Variants in GFI1 observed in about 807,000 individuals in gnomAD.
GFI1 encodes the protein zinc finger protein Gfi-1.
GFI1 carries 15 observed loss-of-function variants against 39.2 expected under a neutral mutation model. The observed-to-expected ratio is 0.38, with a 90% CI of 0.26 to 0.59. The LOEUF is 0.59. Ranked by LOEUF, GFI1 falls within the 20% of genes least tolerant of loss-of-function variation. The probability of loss-of-function intolerance (pLI) is 0.62; values close to 1 mark genes in which losing one functional copy is unlikely to be tolerated. For missense variants in GFI1, 475 were observed against 574.0 expected (o/e 0.83, Z 1.76); for synonymous variants, 239 against 254.3 (o/e 0.94, Z 0.57).
chr1:92,486,075 G>A (rs907126960), intron 1 of GFI1: 2 of 152,116 alleles, frequency 1.3e-5, no homozygotes, highest in African/African-American at 2.4e-5. Flanking sequence ...TTGCTTTCGG[G>A]AGAGACCGCT....
chr1:92,477,743 T>C (rs563323383), intron 6 of GFI1, among the ~76,000 whole-genome samples: 2 of 152,350 alleles, frequency 1.3e-5, no homozygotes, highest in African/African-American at 4.8e-5. Flanking sequence ...AATGAAATGA[T>C]AGATTTGAAA....
In GFI1 at chr1:92,480,931, G is replaced by A; in HGVS notation, c.456C>T (p.Gly152=). ...CGALERGAGL[G]LFCEPAPEPG... ...GCTCCGGGGCGGGTTCGCAGAAGAG[G>A]CCCAGGCCAGCGCCACGCTCCAGGG... is the stretch of plus-strand genomic sequence containing the variant. Residue 152 remains glycine (G), a synonymous_variant, in exon 4 of 7, where the codon GGC becomes GGT. Coordinates refer to ENST00000294702, the MANE Select transcript of GFI1 (RefSeq NM_005263.5). This position sits in a 1 kb window ranked among gnomAD's most constrained non-coding sequence, Gnocchi z 5.6. 6.4e-7 allele frequency: 1 copy of A among 1,566,460 alleles called. No individual in the cohort carries two copies. The highest frequency in any genetic ancestry group is 1.8e-4 in the Middle Eastern group (1 of 5,552).
At position 92,473,327 on chromosome 1, in the gene GFI1, C is replaced by T. The variant is rs1033339135; in HGVS notation, c.*2702G>A. On this transcript the variant is annotated 3_prime_UTR_variant, in exon 7 of 7. Transcript: ENST00000294702. ...GGCACCTAGATTTCAATCAGTTCTA[C>T]TTACCCCTCAGTGCAACTTCTTTAC... is the stretch of plus-strand genomic sequence containing the variant. Among the ~76,000 whole-genome samples, 2 of 152,150 alleles carry T rather than the reference C, an allele frequency of 1.3e-5. No individual in the cohort carries two copies. Among genetic ancestry groups the T allele is most frequent in the Admixed American group, 1.3e-4 (2 of 15,274 alleles).
In GFI1 at chr1:92,482,439, C is replaced by T. The variant is rs1277411116; in HGVS notation, c.298+425G>A. Among the ~76,000 whole-genome samples, 1 of 152,196 alleles carries T rather than the reference C, an allele frequency of 6.6e-6. No homozygotes were observed. Among genetic ancestry groups the T allele is most frequent in the African/African-American group, 2.4e-5 (1 of 41,460 alleles). ...TTTTCGTCCTGCCCCCTCCCTGCCG[C>T]CCAGCGCCTAGCTCCTCTGCCTGGC... On this transcript the variant is annotated intron_variant, in intron 3 of 6. Coordinates refer to ENST00000294702, the MANE Select transcript of GFI1 (RefSeq NM_005263.5). This position sits in a 1 kb window ranked among gnomAD's most constrained non-coding sequence, Gnocchi z 4.4.
rs1553162639 is a variant in GFI1, at chr1:92,478,759, G to GAGAGAGAGAT, written c.925-7_925-6insATCTCTCTCT. 6.4e-5 allele frequency: 40 copies of GAGAGAGAGAT among 620,460 alleles called. No homozygotes were observed. The African/African-American group carries it at 8.9e-4, about 14-fold the overall frequency. The allele number at this position is 620,460 out of a possible 1,614,324, so 38.4% of individuals were successfully genotyped here. On this transcript the variant is annotated splice_polypyrimidine_tract_variant and splice_region_variant and intron_variant, in intron 5 of 6. Transcript: ENST00000294702. ...TTACAGTCAAAGCTCCGTTCCTGCA[G>GAGAGAGAGAT]AGAGAGAGAGAGAGAGAGAGAGAGA...
At position 92,483,008 on chromosome 1, in the gene GFI1, G is replaced by C. The variant is rs1405101589; in HGVS notation, c.154C>G (p.Arg52Gly). The change falls in exon 3 of 7, where the codon CGG (arginine) becomes GGG (glycine). Residue 52 changes from arginine to glycine, a missense_variant. Around this residue, in one of 4 missense-constraint regions of GFI1, gnomAD observed 275 missense variants for 275.8 expected, o/e 1.00. Coordinates refer to ENST00000294702, the MANE Select transcript of GFI1 (RefSeq NM_005263.5). Reference protein sequence around the residue: ...SNAGGAKAEPRDRLSPESQLT... With the variant: ...SNAGGAKAEPGDRLSPESQLT... ...TGCGATTCGGGGGACAAACGGTCCC[G>C]GGGCTCCGCCTTCGCCCCGCCTGCA... 6.2e-7 allele frequency: 1 copy of C among 1,606,646 alleles called. No homozygotes were observed. The highest frequency in any genetic ancestry group is 8.5e-7 in the Non-Finnish European group (1 of 1,176,398).
chr1:92,483,346 C>A, intron 2 of GFI1, 27 bp downstream of exon 2: 6 of 1,322,698 alleles, frequency 4.5e-6, no homozygotes, highest in East Asian at 2.3e-5. Context: ...GGGGAGCAGC[C>A]CCGCCTGGCC....
chr1:92,480,724 C>G lies in GFI1; in HGVS notation c.663G>C (p.Leu221=), dbSNP rs1371969941. 1.9e-6 allele frequency: 3 copies of G among 1,595,168 alleles called. No individual in the cohort carries two copies. The highest frequency in any genetic ancestry group is 2.5e-6 in the Non-Finnish European group (3 of 1,177,094). Residue 221 remains leucine (L), a synonymous_variant, in exon 4 of 7, where the codon CTG becomes CTC. Transcript: ENST00000294702. The surrounding 1 kb of genome is among the most constrained non-coding windows in gnomAD (Gnocchi z 5.6). ...YERPTAAAGL[L]YPERGHGLHA... is the part of the protein sequence containing the mutation. The stretch of plus-strand genomic sequence containing the variant: ...GCAGCCCGTGGCCACGCTCGGGGTA[C>G]AGCAAGCCCGCCGCTGCCGTGGGCC...
intron 1 of GFI1, among the ~76,000 whole-genome samples, chr1:92,485,186 C>T (rs1209329385): frequency 6.6e-6 from 1 of 152,204 alleles, no homozygotes; most frequent in Non-Finnish European, 1.5e-5. Flanking sequence ...GCCAGAATGC[C>T]CCTAGGGGTG....
rs1658195698 is a variant in GFI1 at position 92,480,733 on chromosome 1, C to T, written c.654G>A (p.Ala218=). ...GGCCACGCTCGGGGTACAGCAAGCC[C>T]GCCGCTGCCGTGGGCCTCTCATACA... ...AGLYERPTAA[A]GLLYPERGHG... The change falls in exon 4 of 7, where the codon GCG becomes GCA. Residue 218 remains alanine, a synonymous_variant. Coordinates refer to ENST00000294702, the MANE Select transcript of GFI1 (RefSeq NM_005263.5). This position sits in a 1 kb window ranked among gnomAD's most constrained non-coding sequence, Gnocchi z 5.6. 1 of 1,598,996 alleles carries T rather than the reference C, an allele frequency of 6.3e-7. No individual in the cohort carries two copies. The highest frequency in any genetic ancestry group is 8.5e-7 in the Non-Finnish European group (1 of 1,178,430).
intron 1 of GFI1, 130 bp from the exon 2 acceptor site, chr1:92,483,716 C>T: frequency 1.8e-6 from 1 of 559,332 alleles, no homozygotes; most frequent in South Asian, 1.9e-5. Flanking sequence ...GGGGCTTGAC[C>T]CTGCTGCGCC....
At chr1:92,483,625 T>C (rs913850483) in intron 1 of GFI1, 39 bp from the exon 2 acceptor site, 31 of 695,588 alleles carry the variant, frequency 4.5e-5, no homozygotes, top group Non-Finnish European at 7.6e-5. Flanking sequence ...CGTGGGTCAG[T>C]ACTCTCCGGT....
At position 92,482,888 on chromosome 1, in the gene GFI1, G is replaced by T; in HGVS notation, c.274C>A (p.Pro92Thr). Reference protein sequence around the residue: ...RSSEFEDFWRPPSPSASPASE... With the variant: ...RSSEFEDFWRTPSPSASPASE... The stretch of plus-strand genomic sequence containing the variant: ...CCTGGAGACGCGGAGGGTGACGGGG[G>T]CCTCCAGAAGTCCTCAAACTCCGAG... The change falls in exon 3 of 7, where the codon CCC becomes ACC. Residue 92 changes from proline to threonine, a missense_variant. Pro to Thr is a conservative substitution (Grantham distance 38). This residue lies in a region of GFI1 where 275 missense variants were observed against 275.8 expected (regional missense o/e 1.00). Transcript: ENST00000294702. This position sits in a 1 kb window ranked among gnomAD's most constrained non-coding sequence, Gnocchi z 4.4. 1 of 1,614,020 alleles carries T rather than the reference G, an allele frequency of 6.2e-7. No individual in the cohort carries two copies. Among genetic ancestry groups the T allele is most frequent in the Non-Finnish European group, 8.5e-7 (1 of 1,179,922 alleles).
chr1:92,479,667 C>G (rs913126109), intron 5 of GFI1, among the ~76,000 whole-genome samples: 2 of 152,100 alleles, frequency 1.3e-5, no homozygotes, highest in African/African-American at 4.8e-5. Context: ...GCCTGGCTAA[C>G]GTGGCGAAAT....
In GFI1 at chr1:92,482,943, G is replaced by T. The variant is rs1658340230; in HGVS notation, c.219C>A (p.Asp73Glu). The change falls in exon 3 of 7, where the codon GAC (aspartate) becomes GAA (glutamate). Residue 73 changes from aspartate (D) to glutamate (E), a missense_variant. This residue lies in a region of GFI1 where 275 missense variants were observed against 275.8 expected (regional missense o/e 1.00). Transcript: ENST00000294702. The surrounding 1 kb of genome is among the most constrained non-coding windows in gnomAD (Gnocchi z 4.4). ...GTTCGCAGACGCTGCCTTCGCAGCT[G>T]TCTGGGGATGCGGAGGCTCTGTCTG... Reference protein sequence around the residue: ...EAPDRASASPDSCEGSVCERS... With the variant: ...EAPDRASASPESCEGSVCERS... The T allele has an allele frequency of 6.2e-7, 1 of 1,613,806 alleles. No homozygotes were observed. The highest frequency in any genetic ancestry group is 1.7e-5 in the Admixed American group (1 of 60,014).
chr1:92,485,995 A>T (rs1658510307), intron 1 of GFI1: 1 of 152,278 alleles, frequency 6.6e-6, no homozygotes, highest in Non-Finnish European at 1.5e-5. Flanking sequence ...GAGGCGCAGA[A>T]CAGGCTCGGC....
At position 92,480,404 on chromosome 1, in the gene GFI1, C is replaced by G. The variant is rs1391091980; in HGVS notation, c.868G>C (p.Gly290Arg). The G allele has an allele frequency of 5.8e-6, 9 of 1,550,362 alleles. No individual in the cohort carries two copies. The highest frequency in any genetic ancestry group is 2.6e-6 in the Non-Finnish European group (3 of 1,146,652). The part of the protein sequence containing the change: ...GTRPFACEMC[G>R]KTFGHAVSLE... ...CTCACCGCGTGCCCGAAGGTCTTGC[C>G]GCACATCTCGCAGGCAAAGGGTCTG... The change falls in exon 5 of 7, where the codon GGC becomes CGC. Residue 290 changes from glycine (G) to arginine (R), a missense_variant. Physicochemically the swap from Gly to Arg is moderately radical, Grantham distance 125. Transcript: ENST00000294702. This position sits in a 1 kb window ranked among gnomAD's most constrained non-coding sequence, Gnocchi z 5.6.
rs748692011 is a variant in GFI1 at position 92,480,919 on chromosome 1, T to C, written c.468A>G (p.Glu156=). ...CCGGGTGGCCAGGCTCCGGGGCGGG[T>C]TCGCAGAAGAGGCCCAGGCCAGCGC... ...ERGAGLGLFC[E]PAPEPGHPAA... The change falls in exon 4 of 7, where the codon GAA becomes GAG. Residue 156 remains glutamate, a synonymous_variant. Transcript: ENST00000294702. The surrounding 1 kb of genome is among the most constrained non-coding windows in gnomAD (Gnocchi z 5.6). 6.4e-7 allele frequency: 1 copy of C among 1,554,198 alleles called. No homozygotes were observed. The highest frequency in any genetic ancestry group is 8.7e-7 in the Non-Finnish European group (1 of 1,150,254).
At chr1:92,476,433 G>T (rs1187136251) in intron 6 of GFI1, among the ~76,000 whole-genome samples, 1 of 152,102 alleles carries the variant, frequency 6.6e-6, no homozygotes, top group African/African-American at 2.4e-5. Flanking sequence ...TTCTGAAGGG[G>T]GGTTCCCAGC....
Sources: gnomAD v4.1 joint callset for allele counts (sites outside exome capture counted in the v4.1 genomes callset) on GRCh38, gnomAD v4.1.1 for gene constraint, gnomAD v4.1.1 regional missense constraint, Gnocchi (gnomAD v3.1) non-coding constraint, MANE v1.5 for transcripts, NCBI Gene and HGNC (gene_info 2026-07-23, HGNC 2026-07-21) for gene names.